FAT4: variants seen among roughly 807,000 people sequenced by gnomAD.
The protein encoded by FAT4 is protocadherin Fat 4.
FAT4 carries 84 observed loss-of-function variants against 303.9 expected under a neutral mutation model. The ratio of observed to expected loss-of-function variants is 0.28; its 90% confidence interval spans 0.23 to 0.33. The LOEUF (loss-of-function observed/expected upper bound fraction) is 0.33, where lower values mean the gene tolerates loss of function less well. FAT4 is among the 10% of genes least tolerant of loss of function. FAT4 has a pLI of 1.00. For synonymous variants in FAT4, 2,307 were observed against 2,298.8 expected (o/e 1.00, Z -0.10); for missense variants, 6,005 against 6,146.8 (o/e 0.98, Z 0.77).
rs149601089 is a variant in FAT4 at position 125,382,552 on chromosome 4, A to G, written c.5176-16232A>G. 1.6e-3 allele frequency among the ~76,000 whole-genome samples: 237 copies of G among 152,234 alleles called. 1 individual carries two copies. The highest frequency in any genetic ancestry group is 5.2e-3 in the African/African-American group (216 of 41,568). On this transcript the variant is annotated intron_variant, in intron 2 of 17. Transcript: ENST00000394329. The stretch of plus-strand genomic sequence containing the variant: ...GCTGTCATCCAGGGTTTGTTGTTTC[A>G]TTGGTAGGGAGCAGGTAGAGTAGAC...
intron 2 of FAT4, among the ~76,000 whole-genome samples, chr4:125,379,465 A>G (rs1486171396): frequency 1.3e-5 from 2 of 151,834 alleles, no homozygotes; most frequent in Admixed American, 6.6e-5. Context: ...ATTTTTATTT[A>G]TTTATTTTTT....
chr4:125,463,648 T>C lies in FAT4; in HGVS notation c.11886T>C (p.Tyr3962=), dbSNP rs2126071598. ...GGSCQSGVDS[Y]YCHCPFGVFG... is the part of the protein sequence containing the mutation. ...CCTGCCAAAGTGGTGTGGATTCTTA[T>C]TATTGTCATTGTCCATTTGGTGAGT... The change falls in exon 11 of 18, where the codon TAT becomes TAC. Residue 3962 remains tyrosine, a synonymous_variant. Transcript: ENST00000394329. The C allele has an allele frequency of 6.3e-7, 1 of 1,583,178 alleles. No homozygotes were observed. The highest frequency in any genetic ancestry group is 8.6e-7 in the Non-Finnish European group (1 of 1,160,572).
chr4:125,373,935 A>T (rs766372653), intron 2 of FAT4, among the ~76,000 whole-genome samples: 36 of 152,368 alleles, frequency 2.4e-4, no homozygotes, highest in Non-Finnish European at 4.0e-4. Context: ...AGGACTATGT[A>T]TATATGATTT....
At chr4:125,485,101 G>A (rs1319601211) in intron 16 of FAT4, among the ~76,000 whole-genome samples, 2 of 152,140 alleles carry the variant, frequency 1.3e-5, no homozygotes, top group Non-Finnish European at 2.9e-5. Flanking sequence ...AGGACTGAAA[G>A]TTGCTCTGAG....
chr4:125,479,922 A>G (rs1578692276), intron 15 of FAT4, 57 bp downstream of exon 15: 3 of 1,360,874 alleles, frequency 2.2e-6, no homozygotes, highest in Non-Finnish European at 3.0e-6. Context: ...AAAGTAAAAT[A>G]TATGCACCCA....
intron 2 of FAT4, among the ~76,000 whole-genome samples, chr4:125,345,342 T>A (rs1348277793): frequency 6.6e-6 from 1 of 151,976 alleles, no homozygotes; most frequent in Non-Finnish European, 1.5e-5. Context: ...GTGTTTTTGG[T>A]TTGGGGTCTC....
Position 125,317,345 on chromosome 4 carries a change from G to A in FAT4, c.934G>A (p.Asp312Asn). Residue 312 changes from aspartate (D) to asparagine (N), a missense_variant, in exon 2 of 18, where the codon GAC becomes AAC. Asp to Asn is a conservative substitution (Grantham distance 23). Coordinates refer to ENST00000394329, the MANE Select transcript of FAT4 (RefSeq NM_001291303.3). This position sits in a 1 kb window ranked among gnomAD's most constrained non-coding sequence, Gnocchi z 7.0. ...TGLITVREPLDFEARRQYSLT... is the reference protein window; with the variant it reads ...TGLITVREPLNFEARRQYSLT... ...ACTTATCACGGTGCGGGAGCCCCTG[G>A]ACTTCGAAGCTCGGCGCCAATACTC... 1 of 1,612,694 alleles carries A rather than the reference G, an allele frequency of 6.2e-7. No individual in the cohort carries two copies. Among genetic ancestry groups the A allele is most frequent in the Non-Finnish European group, 8.5e-7 (1 of 1,179,490 alleles).
intron 12 of FAT4, among the ~76,000 whole-genome samples, chr4:125,472,214 G>GA (rs1246790224): frequency 6.6e-6 from 1 of 151,808 alleles, no homozygotes; most frequent in Non-Finnish European, 1.5e-5. Context: ...CATTTTAAAT[G>GA]AAAAAACTTG....
chr4:125,372,841 AGTT>A (rs1490741940), intron 2 of FAT4, among the ~76,000 whole-genome samples: 3 of 152,198 alleles, frequency 2.0e-5, no homozygotes, highest in Admixed American at 6.5e-5. Context: ...AGTTAAGAAA[AGTT>A]GTCTTGATCA....
intron 2 of FAT4, among the ~76,000 whole-genome samples, chr4:125,392,739 T>C (rs977506278): frequency 2.0e-5 from 3 of 152,298 alleles, no homozygotes; most frequent in African/African-American, 7.2e-5. Flanking sequence ...TTTTTTAAAG[T>C]AGCCCATCAA....
intron 12 of FAT4, 89 bp from the exon 13 acceptor site, chr4:125,476,082 A>G (rs1727018782): frequency 4.6e-6 from 3 of 649,336 alleles, no homozygotes; most frequent in Middle Eastern, 2.6e-4. Flanking sequence ...TCATGTTCAC[A>G]TAGAAGCAAG....
chr4:125,468,247 T>G (rs888642753), intron 11 of FAT4, among the ~76,000 whole-genome samples: 2 of 152,178 alleles, frequency 1.3e-5, no homozygotes, highest in Non-Finnish European at 2.9e-5. Context: ...GCCTTTCATT[T>G]TGAGAAACAA....
intron 2 of FAT4, among the ~76,000 whole-genome samples, chr4:125,383,239 G>A (rs889154095): frequency 6.6e-6 from 1 of 152,100 alleles, no homozygotes; most frequent in Non-Finnish European, 1.5e-5. Flanking sequence ...ATTATTTATA[G>A]CTTTTGATTT....
rs562320671 is a variant in FAT4 at position 125,434,587 on chromosome 4, A to G, written c.7199+162A>G. 2.0e-5 allele frequency among the ~76,000 whole-genome samples: 3 copies of G among 152,368 alleles called. No individual in the cohort carries two copies. The East Asian group carries it at 5.8e-4, about 29-fold the overall frequency. ...CAACAATTCATTAAATGAAGATTCA[A>G]ACAGTAAACATTTTACTTATTACTC... On this transcript the variant is annotated intron_variant, in intron 8 of 17. Coordinates refer to ENST00000394329, the MANE Select transcript of FAT4 (RefSeq NM_001291303.3).
chr4:125,455,456 T>C (rs1220631511), intron 10 of FAT4, among the ~76,000 whole-genome samples: 2 of 152,232 alleles, frequency 1.3e-5, no homozygotes, highest in African/African-American at 2.4e-5. Context: ...CAAGCAGTTA[T>C]GTAAAGCACT....
intron 7 of FAT4, among the ~76,000 whole-genome samples, chr4:125,425,141 G>A (rs1725045344): frequency 6.6e-6 from 1 of 152,146 alleles, no homozygotes; most frequent in Admixed American, 6.6e-5. Context: ...CACACTTAGT[G>A]CTTGTAAGTT....
chr4:125,489,539 A>G, intron 17 of FAT4, among the ~76,000 whole-genome samples: 1 of 152,180 alleles, frequency 6.6e-6, no homozygotes, highest in South Asian at 2.1e-4. Flanking sequence ...TATATATTTT[A>G]TTTGTATGTA....
At chr4:125,393,112 C>CT (rs36023399) in intron 2 of FAT4, among the ~76,000 whole-genome samples, 15,035 of 152,168 alleles carry the variant, frequency 0.099, 1,328 homozygotes, top group African/African-American at 0.24. Flanking sequence ...ATCCTACGGT[C>CT]TCCCAAAAGA....
In FAT4 at chr4:125,489,904, G is replaced by T. The variant is rs199797338; in HGVS notation, c.13088G>T (p.Gly4363Val). The part of the protein sequence containing the change: ...NQAHRDAQTA[G>V]FDGCIASMWY... ...TTACTCCTTCTTCTTCTCCCAGCAGGTTTTGATGGCTGCATTGCTTCTATG... is the reference window on the plus strand; with the variant it reads ...TTACTCCTTCTTCTTCTCCCAGCAGTTTTTGATGGCTGCATTGCTTCTATG... The change falls in exon 18 of 18, where the codon GGT becomes GTT. Residue 4363 changes from glycine to valine, a missense_variant. Physicochemically the swap from Gly to Val is moderately radical, Grantham distance 109. Transcript: ENST00000394329. 1.4e-4 allele frequency: 173 copies of T among 1,249,910 alleles called. No individual in the cohort carries two copies. In the East Asian group the frequency reaches 6.1e-3, roughly 44 times the overall value. 77.4% of individuals were successfully genotyped at this position (1,249,910 alleles called of 1,614,324 possible). A position where few individuals can be genotyped will look rare whatever the true frequency, so the allele number is the denominator to read the frequency against.
Sources: gnomAD v4.1 joint callset for allele counts (sites outside exome capture counted in the v4.1 genomes callset) on GRCh38, gnomAD v4.1.1 for gene constraint, Gnocchi (gnomAD v3.1) non-coding constraint, MANE v1.5 for transcripts, NCBI Gene and HGNC (gene_info 2026-07-23, HGNC 2026-07-21) for gene names.